Variants in ST6GALNAC3 observed in about 807,000 individuals in gnomAD.
ST6GALNAC3 encodes alpha-N-acetylgalactosaminide alpha-2,6-sialyltransferase 3.
A neutral mutation model predicts 32.7 loss-of-function variants in ST6GALNAC3; 25 were observed. The observed-to-expected ratio is 0.76, with a 90% CI of 0.56 to 1.07. The LOEUF (loss-of-function observed/expected upper bound fraction) is 1.07. Among genes scored for constraint, ST6GALNAC3 ranks in the 50% least tolerant of loss-of-function variants. The probability of loss-of-function intolerance (pLI) is 0.00; values close to 1 mark genes in which losing one functional copy is unlikely to be tolerated. For missense variants in ST6GALNAC3, 355 were observed against 382.4 expected (o/e 0.93, Z 0.60); for synonymous variants, 129 against 133.1 (o/e 0.97, Z 0.21).
intron 3 of ST6GALNAC3, among the ~76,000 whole-genome samples, chr1:76,475,238 G>A (rs536233793): frequency 6.6e-6 from 1 of 152,146 alleles, no homozygotes; most frequent in Non-Finnish European, 1.5e-5. Context: ...ACAGTGTAGT[G>A]TAGCGGCTTA....
intron 1 of ST6GALNAC3, among the ~76,000 whole-genome samples, chr1:76,095,711 G>A (rs1426296989): frequency 6.6e-6 from 1 of 152,194 alleles, no homozygotes; most frequent in Non-Finnish European, 1.5e-5. Context: ...TGAAAAGGAA[G>A]GAGTTAGTAT....
At position 76,288,091 on chromosome 1, in the gene ST6GALNAC3, T is replaced by C. The variant is rs73000416; in HGVS notation, c.19-25714T>C. On this transcript the variant is annotated intron_variant, in intron 1 of 4. Coordinates refer to ENST00000328299, the MANE Select transcript of ST6GALNAC3 (RefSeq NM_152996.4). Reference sequence around the variant, plus strand: ...TTGAGATGCTGATTCATTATTTGACTAAGAGGCCAGACTCTTCTGCTTACC... The same window carrying C: ...TTGAGATGCTGATTCATTATTTGACCAAGAGGCCAGACTCTTCTGCTTACC... Among the ~76,000 whole-genome samples, 359 of 152,328 alleles carry C rather than the reference T, an allele frequency of 2.4e-3. 2 individuals carry two copies. The highest frequency in any genetic ancestry group is 8.0e-3 in the African/African-American group (333 of 41,582).
At chr1:76,608,888 T>C (rs543694718) in intron 3 of ST6GALNAC3, among the ~76,000 whole-genome samples, 8 of 152,266 alleles carry the variant, frequency 5.3e-5, no homozygotes, top group Admixed American at 1.3e-4. Context: ...AGTCCTCCCA[T>C]TTAGTAAAAC....
intron 3 of ST6GALNAC3, among the ~76,000 whole-genome samples, chr1:76,417,511 C>T (rs1654728451): frequency 6.6e-6 from 1 of 152,074 alleles, no homozygotes; most frequent in Admixed American, 6.6e-5. Context: ...CTGATAGTGG[C>T]ACATTGTGCC....
intron 3 of ST6GALNAC3, among the ~76,000 whole-genome samples, chr1:76,520,593 GA>G (rs980787035): frequency 1.3e-5 from 2 of 151,824 alleles, no homozygotes; most frequent in Non-Finnish European, 1.5e-5. Context: ...GGTTCATCTG[GA>G]AAAAATTACT....
At chr1:76,075,469 A>G (rs995845943) in intron 1 of ST6GALNAC3, among the ~76,000 whole-genome samples, 2 of 152,232 alleles carry the variant, frequency 1.3e-5, no homozygotes, top group Non-Finnish European at 2.9e-5. Flanking sequence ...ATATGTTAGT[A>G]GAGAACCTCT....
chr1:76,415,928 G>C (rs1654588661), intron 3 of ST6GALNAC3, among the ~76,000 whole-genome samples: 1 of 151,762 alleles, frequency 6.6e-6, no homozygotes, highest in Non-Finnish European at 1.5e-5. Context: ...GGGCTATCAG[G>C]TTTTAAGTTT....
chr1:76,232,427 G>A (rs17098434), intron 1 of ST6GALNAC3, among the ~76,000 whole-genome samples: 10,003 of 146,954 alleles, frequency 0.068, 325 homozygotes, highest in African/African-American at 0.089. Context: ...AATTGGGTTC[G>A]AACAAAGGGC....
intron 1 of ST6GALNAC3, among the ~76,000 whole-genome samples, chr1:76,111,645 C>T (rs555686117): frequency 7.4e-5 from 11 of 149,636 alleles, no homozygotes; most frequent in Non-Finnish European, 1.2e-4. Flanking sequence ...TGACTCTTAA[C>T]GAGCATGCTG....
At chr1:76,595,881 G>C (rs1196375322) in intron 3 of ST6GALNAC3, among the ~76,000 whole-genome samples, 1 of 152,098 alleles carries the variant, frequency 6.6e-6, no homozygotes, top group Non-Finnish European at 1.5e-5. Flanking sequence ...GGGGTGTCCT[G>C]TAGTTGTTTA....
At chr1:76,267,017 T>C (rs1658569773) in intron 1 of ST6GALNAC3, among the ~76,000 whole-genome samples, 1 of 152,222 alleles carries the variant, frequency 6.6e-6, no homozygotes, top group Admixed American at 6.5e-5. Flanking sequence ...GCAATGCCAA[T>C]GTGAAGTCCC....
chr1:76,217,474 G>C (rs1655529290), intron 1 of ST6GALNAC3, among the ~76,000 whole-genome samples: 1 of 152,130 alleles, frequency 6.6e-6, no homozygotes, highest in Non-Finnish European at 1.5e-5. Flanking sequence ...CCCTATCCAG[G>C]TTGATGACTG....
At chr1:76,606,845 C>A (rs552109877) in intron 3 of ST6GALNAC3, among the ~76,000 whole-genome samples, 2 of 147,550 alleles carry the variant, frequency 1.4e-5, no homozygotes, top group South Asian at 2.1e-4. Context: ...TTCTGGACAC[C>A]AAATGTGTGG....
intron 3 of ST6GALNAC3, among the ~76,000 whole-genome samples, chr1:76,445,244 T>A: frequency 6.6e-6 from 1 of 152,200 alleles, no homozygotes. Flanking sequence ...ACAATCTTAG[T>A]GTTCTTGGAA....
rs115885190 is a variant in ST6GALNAC3 at position 76,508,221 on chromosome 1, G to A, written c.623+95804G>A. ...CATAAGGAGTGCACAACCTAGATCCGTCGCACGCAGAGTACACAACAGGAT... is the reference window on the plus strand; with the variant it reads ...CATAAGGAGTGCACAACCTAGATCCATCGCACGCAGAGTACACAACAGGAT... On this transcript the variant is annotated intron_variant, in intron 3 of 4. Coordinates refer to ENST00000328299, the MANE Select transcript of ST6GALNAC3 (RefSeq NM_152996.4). 3.4e-4 allele frequency among the ~76,000 whole-genome samples: 51 copies of A among 152,164 alleles called. 1 individual carries two copies. Among genetic ancestry groups the A allele is most frequent in the Non-Finnish European group, 1.5e-5 (1 of 68,016 alleles).
intron 1 of ST6GALNAC3, among the ~76,000 whole-genome samples, chr1:76,133,078 G>C (rs1015994346): frequency 6.6e-6 from 1 of 152,116 alleles, no homozygotes; most frequent in Non-Finnish European, 1.5e-5. Context: ...TGCTATAGTA[G>C]GGGGATGGGT....
At chr1:76,538,063 C>T (rs892898257) in intron 3 of ST6GALNAC3, among the ~76,000 whole-genome samples, 1 of 151,986 alleles carries the variant, frequency 6.6e-6, no homozygotes, top group Non-Finnish European at 1.5e-5. Context: ...AGAAGCACAA[C>T]AAAAAGAGAA....
At chr1:76,617,364 T>A (rs976779928) in intron 3 of ST6GALNAC3, among the ~76,000 whole-genome samples, 3 of 152,182 alleles carry the variant, frequency 2.0e-5, no homozygotes, top group Non-Finnish European at 4.4e-5. Context: ...TACAATCTTT[T>A]TTTTTTTAAG....
chr1:76,136,694 C>A (rs189385982), intron 1 of ST6GALNAC3, among the ~76,000 whole-genome samples: 1 of 152,184 alleles, frequency 6.6e-6, no homozygotes, highest in East Asian at 1.9e-4. Context: ...CATATGGCAT[C>A]TCTAGAGCAT....
Sources: allele counts gnomAD v4.1 joint callset (sites outside exome capture counted in the v4.1 genomes callset), GRCh38; gene constraint gnomAD v4.1.1; transcripts MANE v1.5; gene names NCBI Gene and HGNC (gene_info 2026-07-23, HGNC 2026-07-21).